PTPRD: variants seen among roughly 807,000 people sequenced by gnomAD.
PTPRD encodes receptor-type tyrosine-protein phosphatase delta.
Under a neutral mutation model 214.5 loss-of-function variants are expected in PTPRD, and 34 were observed. The observed-to-expected ratio is 0.16, with a 90% confidence interval of 0.12 to 0.21. The LOEUF is 0.21. PTPRD is among the 10% of genes least tolerant of loss of function. PTPRD has a pLI of 1.00. For synonymous variants in PTPRD, 1,128 were observed against 845.7 expected, an observed-to-expected ratio of 1.33 and a Z score of -5.79; for missense variants, 2,545 against 2,398.7, an observed-to-expected ratio of 1.06 and a Z score of -1.27.
intron 8 of PTPRD, among the ~76,000 whole-genome samples, chr9:9,427,452 G>A (rs971040672): frequency 3.2e-4 from 48 of 152,200 alleles, no homozygotes; most frequent in Admixed American, 9.8e-4. Context: ...GTACGTAAAA[G>A]TGACAGGGAG....
intron 11 of PTPRD, among the ~76,000 whole-genome samples, chr9:8,942,612 G>T (rs933988528): frequency 3.3e-5 from 5 of 152,038 alleles, no homozygotes; most frequent in African/African-American, 1.2e-4. Flanking sequence ...GTTATTAAAA[G>T]ACTTCCAATT....
chr9:8,672,377 A>T (rs567287068), intron 12 of PTPRD, among the ~76,000 whole-genome samples: 2 of 152,272 alleles, frequency 1.3e-5, no homozygotes, highest in East Asian at 3.9e-4. Context: ...CCCCAAAAGA[A>T]TTTGACACTA....
At position 9,507,311 on chromosome 9, in the gene PTPRD, T is replaced by C. The variant is rs181680276; in HGVS notation, c.-237+67421A>G. Among the ~76,000 whole-genome samples, 8 of 151,386 alleles carry C rather than the reference T, an allele frequency of 5.3e-5. No homozygotes were observed. The East Asian group carries it at 1.4e-3, about 26-fold the overall frequency. ...GCAGAAACTGGGATTAAATTTGTTA[T>C]ATATTAAGAATGCTACCTGGGTAAT... On this transcript the variant is annotated intron_variant, in intron 8 of 45. Coordinates refer to ENST00000381196, the MANE Select transcript of PTPRD (RefSeq NM_002839.4).
intron 35 of PTPRD, among the ~76,000 whole-genome samples, chr9:8,421,212 T>A (rs1173021556): frequency 6.6e-6 from 1 of 152,176 alleles, no homozygotes; most frequent in African/African-American, 2.4e-5. Context: ...ACTAGACTCC[T>A]CCTTCTTTCT....
intron 3 of PTPRD, among the ~76,000 whole-genome samples, chr9:10,204,333 T>A (rs958816846): frequency 6.6e-6 from 1 of 152,180 alleles, no homozygotes; most frequent in East Asian, 1.9e-4. Flanking sequence ...TTCCACACCA[T>A]GACAGTTTAT....
chr9:8,569,205 C>G (rs369744298), intron 14 of PTPRD, among the ~76,000 whole-genome samples: 1 of 151,972 alleles, frequency 6.6e-6, no homozygotes, highest in Non-Finnish European at 1.5e-5. Context: ...CCCCAAGAAC[C>G]GCTATCTCTT....
At chr9:10,501,505 A>C (rs1446111073) in intron 2 of PTPRD, among the ~76,000 whole-genome samples, 2 of 151,752 alleles carry the variant, frequency 1.3e-5, no homozygotes, top group African/African-American at 4.8e-5. Flanking sequence ...CGTTGACTTC[A>C]ATTATTAAAT....
At chr9:8,684,457 T>C (rs2097633456) in intron 12 of PTPRD, among the ~76,000 whole-genome samples, 1 of 149,062 alleles carries the variant, frequency 6.7e-6, no homozygotes, top group Admixed American at 6.6e-5. Context: ...GATACTCCTC[T>C]TTCCTTCAAT....
intron 7 of PTPRD, among the ~76,000 whole-genome samples, chr9:9,577,436 G>A (rs543543508): frequency 2.6e-5 from 4 of 152,046 alleles, no homozygotes; most frequent in African/African-American, 9.6e-5. Flanking sequence ...GTGGTGGTGT[G>A]TGCTTGTACT....
At chr9:9,457,343 C>G (rs1056640335) in intron 8 of PTPRD, among the ~76,000 whole-genome samples, 1 of 151,888 alleles carries the variant, frequency 6.6e-6, no homozygotes, top group Non-Finnish European at 1.5e-5. Flanking sequence ...GATCCAAAAC[C>G]AGATTTATCA....
intron 11 of PTPRD, among the ~76,000 whole-genome samples, chr9:8,820,741 ACAC>A (rs1027144436): frequency 1.1e-4 from 17 of 152,104 alleles, no homozygotes; most frequent in Non-Finnish European, 1.2e-4. Context: ...ACACACACAC[ACAC>A]TTTTTGTGTA....
chr9:9,810,173 C>T (rs956827720), intron 5 of PTPRD, among the ~76,000 whole-genome samples: 7 of 140,858 alleles, frequency 5.0e-5, no homozygotes, highest in African/African-American at 1.7e-4. Context: ...TTCTTCCACA[C>T]GATAGTTTTA....
At chr9:9,356,534 A>G (rs2053856264) in intron 9 of PTPRD, among the ~76,000 whole-genome samples, 1 of 151,446 alleles carries the variant, frequency 6.6e-6, no homozygotes, top group South Asian at 2.1e-4. Context: ...GATTTTACTA[A>G]ATAAGGCCAG....
At chr9:9,604,790 T>C (rs1027129395) in intron 7 of PTPRD, among the ~76,000 whole-genome samples, 9 of 152,014 alleles carry the variant, frequency 5.9e-5, no homozygotes, top group African/African-American at 1.9e-4. Context: ...ATTTTTGTTT[T>C]TAAATCACAT....
At chr9:10,102,872 G>C (rs1484343755) in intron 3 of PTPRD, among the ~76,000 whole-genome samples, 1 of 151,612 alleles carries the variant, frequency 6.6e-6, no homozygotes, top group Non-Finnish European at 1.5e-5. Context: ...CTCACAAAAT[G>C]AAAGCTATAT....
At chr9:8,867,102 A>C (rs919955337) in intron 11 of PTPRD, among the ~76,000 whole-genome samples, 1 of 152,178 alleles carries the variant, frequency 6.6e-6, no homozygotes, top group Non-Finnish European at 1.5e-5. Context: ...AAAAAATTCC[A>C]AAGATTCTGA....
intron 14 of PTPRD, among the ~76,000 whole-genome samples, chr9:8,529,866 G>A (rs2075234798): frequency 6.6e-6 from 1 of 152,144 alleles, no homozygotes. Context: ...ATGTACACAT[G>A]TGCCATGTTG....
At chr9:9,976,063 A>G (rs938773562) in intron 4 of PTPRD, among the ~76,000 whole-genome samples, 11 of 152,178 alleles carry the variant, frequency 7.2e-5, no homozygotes, top group South Asian at 2.1e-4. Context: ...CGAAAGGTCA[A>G]TGAAGACATT....
At chr9:9,152,892 T>C (rs1159865083) in intron 10 of PTPRD, among the ~76,000 whole-genome samples, 1 of 152,220 alleles carries the variant, frequency 6.6e-6, no homozygotes, top group Non-Finnish European at 1.5e-5. Flanking sequence ...GGCACACATT[T>C]ACTTGTGAAT....
Sources: allele counts gnomAD v4.1 joint callset (sites outside exome capture counted in the v4.1 genomes callset), GRCh38; gene constraint gnomAD v4.1.1; transcripts MANE v1.5; gene names NCBI Gene and HGNC (gene_info 2026-07-23, HGNC 2026-07-21).